The following ANO2 variants were observed in gnomAD, a reference collection of about 807,000 sequenced individuals.
The protein encoded by ANO2 is anoctamin 2, also known as anoctamin-2.
A neutral mutation model predicts 124.2 loss-of-function variants in ANO2; 101 were observed. The ratio of observed to expected loss-of-function variants is 0.81; its 90% confidence interval spans 0.69 to 0.96. The LOEUF is 0.96. Among genes scored for constraint, ANO2 ranks in the 40% least tolerant of loss-of-function variants. The probability of loss-of-function intolerance (pLI) is 0.00; values close to 1 mark genes in which losing one functional copy is unlikely to be tolerated. For missense variants in ANO2, 1,293 were observed against 1,274.5 expected (o/e 1.01, Z -0.22); for synonymous variants, 486 against 482.5 (o/e 1.01, Z -0.09).
At chr12:5,743,922 T>C (rs757342227) in intron 12 of ANO2, among the ~76,000 whole-genome samples, 26 of 152,196 alleles carry the variant, frequency 1.7e-4, no homozygotes, top group Non-Finnish European at 7.3e-5. Flanking sequence ...ATGGGGCTAG[T>C]ACATGGTTAG....
intron 20 of ANO2, among the ~76,000 whole-genome samples, chr12:5,587,813 C>G (rs1943192321): frequency 6.6e-6 from 1 of 152,126 alleles, no homozygotes; most frequent in Non-Finnish European, 1.5e-5. Context: ...GAGGAGGCTC[C>G]CCACCCCCAT....
rs35224024 is a variant in ANO2, at chr12:5,638,237, C to CTTTT, written c.1621-2894_1621-2891dup. ...ATCTTCACTAGCACTGTTTCTTTTCCTTTTTTTTTTTTTTTTGAGACGGAG... is the reference window on the plus strand; with the variant it reads ...ATCTTCACTAGCACTGTTTCTTTTCCTTTTTTTTTTTTTTTTTTTTGAGACGGAG... On this transcript the variant is annotated intron_variant, in intron 15 of 24. Coordinates refer to ENST00000682330, the MANE Select transcript of ANO2 (RefSeq NM_001364791.2). Among the ~76,000 whole-genome samples, 70 of 124,848 alleles carry CTTTT rather than the reference C, an allele frequency of 5.6e-4. 12 individuals are homozygous for CTTTT. Among genetic ancestry groups the CTTTT allele is most frequent in the East Asian group, 8.2e-4 (3 of 3,656 alleles). 81.9% of individuals were successfully genotyped at this position (124,848 alleles called of 152,430 possible).
chr12:5,698,296 G>A (rs967662343), intron 14 of ANO2, among the ~76,000 whole-genome samples: 2 of 152,180 alleles, frequency 1.3e-5, no homozygotes, highest in Non-Finnish European at 2.9e-5. Flanking sequence ...TGCAATATTC[G>A]CTGTTCTGCA....
chr12:5,587,389 G>A (rs2136861635), intron 20 of ANO2, among the ~76,000 whole-genome samples: 1 of 152,248 alleles, frequency 6.6e-6, no homozygotes, highest in African/African-American at 2.4e-5. Context: ...TTAAACTTGG[G>A]CCTACATCCT....
chr12:5,675,141 G>A (rs1228042442), intron 14 of ANO2, among the ~76,000 whole-genome samples: 1 of 152,140 alleles, frequency 6.6e-6, no homozygotes, highest in Non-Finnish European at 1.5e-5. Context: ...CTGAGAAGAT[G>A]GAATTTGAGC....
intron 4 of ANO2, among the ~76,000 whole-genome samples, chr12:5,853,133 A>G (rs961961650): frequency 2.0e-5 from 3 of 150,934 alleles, no homozygotes; most frequent in African/African-American, 2.4e-5. Context: ...TTGTTATGCA[A>G]GGAGACATGT....
intron 19 of ANO2, among the ~76,000 whole-genome samples, chr12:5,610,096 ATAT>A (rs1049579803): frequency 2.2e-5 from 3 of 133,492 alleles, no homozygotes; most frequent in African/African-American, 5.7e-5. Context: ...ATATATATTT[ATAT>A]TATATTTTAT....
chr12:5,827,769 C>T lies in ANO2; in HGVS notation c.892G>A (p.Gly298Ser), dbSNP rs1463142936. 7 of 1,610,588 alleles carry T rather than the reference C, an allele frequency of 4.3e-6. No homozygotes were observed. The Admixed American group carries it at 8.4e-5, about 19-fold the overall frequency. ...TACSRANNTM[G>S]INSLIANNIY... ...CCTGCCCGCGGGCTGGGGTCCTTAC[C>T]CATCGTGTTGTTGGCTCGGGAGCAG... Residue 298 changes from glycine to serine, a missense_variant and splice_region_variant, in exon 7 of 25, where the codon GGT (glycine) becomes AGT (serine). By Grantham distance (56) the Gly-to-Ser change is moderately conservative. Coordinates refer to ENST00000682330, the MANE Select transcript of ANO2 (RefSeq NM_001364791.2).
chr12:5,852,527 C>A (rs925851485), intron 4 of ANO2, among the ~76,000 whole-genome samples: 107 of 152,238 alleles, frequency 7.0e-4, no homozygotes, highest in African/African-American at 2.4e-3. Context: ...AGACTTTATT[C>A]TTCTCAAGTA....
chr12:5,623,360 G>C (rs548313489), intron 16 of ANO2, among the ~76,000 whole-genome samples: 6 of 152,256 alleles, frequency 3.9e-5, no homozygotes, highest in South Asian at 2.1e-4. Context: ...AGTTTCACCT[G>C]CTTCCAAACT....
Position 5,922,563 on chromosome 12 carries a change from T to C in ANO2, c.207+57A>G, listed in dbSNP as rs376081773. 2.3e-4 allele frequency: 335 copies of C among 1,480,806 alleles called. 2 individuals carry two copies. In the East Asian group the frequency reaches 4.3e-3, roughly 19 times the overall value. The allele number at this position is 1,480,806 out of a possible 1,614,324, so 91.7% of individuals were successfully genotyped here. On this transcript the variant is annotated intron_variant, in intron 2 of 24. Transcript: ENST00000682330. ...AGGATCCCCCAGACCAGAGGCTCCT[T>C]GGTGGCCTGCAACAGGGCTGGCCTA...
At position 5,635,061 on chromosome 12, in the gene ANO2, T is replaced by G; in HGVS notation, c.1816+91A>C. On this transcript the variant is annotated intron_variant, in intron 16 of 24. Coordinates refer to ENST00000682330, the MANE Select transcript of ANO2 (RefSeq NM_001364791.2). The surrounding 1 kb of genome is among the most constrained non-coding windows in gnomAD (Gnocchi z 5.2). ...TGCACTGTACAAAGCATCCTGTCCC[T>G]GTCCCATTTTTTTTATTTTATCACC... is the stretch of plus-strand genomic sequence containing the variant. The G allele has an allele frequency of 8.5e-7, 1 of 1,172,140 alleles. No homozygotes were observed. Among genetic ancestry groups the G allele is most frequent in the Non-Finnish European group, 1.2e-6 (1 of 860,058 alleles). 72.6% of individuals were successfully genotyped at this position (1,172,140 alleles called of 1,614,324 possible).
chr12:5,640,730 G>A (rs1322857990), intron 15 of ANO2, among the ~76,000 whole-genome samples: 1 of 152,206 alleles, frequency 6.6e-6, no homozygotes, highest in East Asian at 1.9e-4. Context: ...AACAACAGAT[G>A]CTGGAGAGGA....
intron 15 of ANO2, among the ~76,000 whole-genome samples, chr12:5,640,844 T>C (rs1283975284): frequency 1.3e-5 from 2 of 152,190 alleles, no homozygotes; most frequent in African/African-American, 4.8e-5. Context: ...GAACTAGAAA[T>C]ACCATTTGAC....
intron 14 of ANO2, among the ~76,000 whole-genome samples, chr12:5,653,546 T>C (rs1947016089): frequency 6.6e-6 from 1 of 152,212 alleles, no homozygotes. Flanking sequence ...ATACCACATA[T>C]GTGACAGTAC....
chr12:5,944,265 C>T (rs928469376), intron 1 of ANO2, among the ~76,000 whole-genome samples: 3 of 152,316 alleles, frequency 2.0e-5, no homozygotes, highest in East Asian at 3.9e-4. Context: ...AGCACCTTCA[C>T]CTTGTCTAAG....
At chr12:5,583,771 A>C (rs1310181212) in intron 20 of ANO2, 1 of 161,414 alleles carries the variant, frequency 6.2e-6, no homozygotes, top group Non-Finnish European at 1.4e-5. Flanking sequence ...AGTGTTGGCA[A>C]AGCAGGACTA....
intron 7 of ANO2, among the ~76,000 whole-genome samples, chr12:5,811,920 G>A (rs1205705896): frequency 1.3e-5 from 2 of 152,106 alleles, no homozygotes; most frequent in African/African-American, 4.8e-5. Flanking sequence ...TGTTTCTCTT[G>A]AGGTTATGAA....
chr12:5,604,898 C>T (rs1944135977), intron 19 of ANO2, among the ~76,000 whole-genome samples: 1 of 141,778 alleles, frequency 7.1e-6, no homozygotes, highest in African/African-American at 2.6e-5. Flanking sequence ...TGTTACCCCC[C>T]TTGCTTTTCT....
Sources: gnomAD v4.1 joint callset for allele counts (sites outside exome capture counted in the v4.1 genomes callset) on GRCh38, gnomAD v4.1.1 for gene constraint, Gnocchi (gnomAD v3.1) non-coding constraint, MANE v1.5 for transcripts, NCBI Gene and HGNC (gene_info 2026-07-23, HGNC 2026-07-21) for gene names.